Variants in PPM1L observed in about 807,000 individuals in gnomAD.
PPM1L encodes protein phosphatase, Mg2+/Mn2+ dependent 1L.
A neutral mutation model predicts 31.4 loss-of-function variants in PPM1L; 13 were observed. That is an observed-to-expected ratio of 0.41 (90% CI 0.27 to 0.66). The LOEUF is 0.66. Among genes scored for constraint, PPM1L ranks in the 30% least tolerant of loss-of-function variants. PPM1L has a pLI of 0.29. For synonymous variants in PPM1L, 184 were observed against 175.4 expected (o/e 1.05, Z -0.39); for missense variants, 326 against 453.7 (o/e 0.72, Z 2.56).
At chr3:160,994,183 C>G (rs2108046257) in intron 2 of PPM1L, among the ~76,000 whole-genome samples, 1 of 152,162 alleles carries the variant, frequency 6.6e-6, no homozygotes, top group South Asian at 2.1e-4. Context: ...TATGCTGACC[C>G]TTATCAACTC....
At chr3:160,904,420 T>C (rs1013731780) in intron 1 of PPM1L, among the ~76,000 whole-genome samples, 3 of 152,204 alleles carry the variant, frequency 2.0e-5, no homozygotes, top group African/African-American at 7.2e-5. Context: ...CCAAAAACTT[T>C]ACAGTAACTA....
intron 1 of PPM1L, among the ~76,000 whole-genome samples, chr3:160,920,977 C>T (rs1168700308): frequency 4.6e-5 from 7 of 152,146 alleles, no homozygotes; most frequent in East Asian, 1.9e-4. Context: ...TCAGTTTTCT[C>T]GGTATCAGAA....
chr3:161,066,716 T>C (rs779230555), intron 3 of PPM1L, among the ~76,000 whole-genome samples: 2 of 152,198 alleles, frequency 1.3e-5, no homozygotes, highest in Non-Finnish European at 2.9e-5. Flanking sequence ...GGGGTGCTCA[T>C]GTACCCTAGT....
chr3:160,954,028 A>G (rs1715654570), intron 1 of PPM1L, among the ~76,000 whole-genome samples: 1 of 152,150 alleles, frequency 6.6e-6, no homozygotes, highest in Non-Finnish European at 1.5e-5. Flanking sequence ...TCTTTGTAAA[A>G]AATTAATTTT....
At position 160,756,747 on chromosome 3, in the gene PPM1L, T is replaced by C. The variant is rs777388519; in HGVS notation, c.399+40T>C. ...GGGGCTTTGTATTTGTGTCCGTGTATGTCTCGTGTGTGTGTGTGTGTGTGT... is the reference window on the plus strand; with the variant it reads ...GGGGCTTTGTATTTGTGTCCGTGTACGTCTCGTGTGTGTGTGTGTGTGTGT... On this transcript the variant is annotated intron_variant, in intron 1 of 3. Coordinates refer to ENST00000498165, the MANE Select transcript of PPM1L (RefSeq NM_139245.4). The surrounding 1 kb of genome is among the most constrained non-coding windows in gnomAD (Gnocchi z 6.2). The C allele has an allele frequency of 7.9e-6, 11 of 1,392,270 alleles. No homozygotes were observed. The African/African-American group carries it at 2.1e-4, about 27-fold the overall frequency. The allele number at this position is 1,392,270 out of a possible 1,614,324, so 86.2% of individuals were successfully genotyped here.
At chr3:160,819,005 A>T (rs1426444063) in intron 1 of PPM1L, among the ~76,000 whole-genome samples, 2 of 151,948 alleles carry the variant, frequency 1.3e-5, no homozygotes, top group Non-Finnish European at 2.9e-5. Context: ...GTATTTGGTC[A>T]AAAGTGATTA....
intron 1 of PPM1L, among the ~76,000 whole-genome samples, chr3:160,921,589 AACTT>A (rs1366805781): frequency 6.6e-6 from 1 of 152,160 alleles, no homozygotes; most frequent in Non-Finnish European, 1.5e-5. Flanking sequence ...TCTTTTTAAA[AACTT>A]AAATTATCTT....
At chr3:160,814,675 A>C (rs1712933038) in intron 1 of PPM1L, among the ~76,000 whole-genome samples, 1 of 149,478 alleles carries the variant, frequency 6.7e-6, no homozygotes, top group Non-Finnish European at 1.5e-5. Flanking sequence ...TATATACCAT[A>C]TATATGGTAT....
chr3:160,920,455 T>C (rs1377198802), intron 1 of PPM1L, among the ~76,000 whole-genome samples: 1 of 152,102 alleles, frequency 6.6e-6, no homozygotes, highest in Non-Finnish European at 1.5e-5. Context: ...CACCAAAGCC[T>C]GTTTACTTTT....
chr3:160,772,403 G>A (rs1307140801), intron 1 of PPM1L, among the ~76,000 whole-genome samples: 1 of 152,168 alleles, frequency 6.6e-6, no homozygotes, highest in African/African-American at 2.4e-5. Context: ...ATGGCAACAG[G>A]AGTGCTTGGC....
intron 1 of PPM1L, among the ~76,000 whole-genome samples, chr3:160,883,262 C>T (rs1196742413): frequency 6.6e-6 from 1 of 152,026 alleles, no homozygotes; most frequent in Admixed American, 6.6e-5. Flanking sequence ...CTTTTTTTTA[C>T]CTGACAGTGC....
chr3:160,978,949 T>C (rs1229792903), intron 2 of PPM1L, among the ~76,000 whole-genome samples: 1 of 152,024 alleles, frequency 6.6e-6, no homozygotes, highest in African/African-American at 2.4e-5. Context: ...ATACTCTCTA[T>C]GTTGGACATA....
intron 2 of PPM1L, among the ~76,000 whole-genome samples, chr3:161,008,525 A>G (rs911646240): frequency 3.3e-5 from 5 of 152,112 alleles, no homozygotes; most frequent in Non-Finnish European, 5.9e-5. Context: ...TTCTCCTATT[A>G]ATCTGCCTTT....
intron 2 of PPM1L, among the ~76,000 whole-genome samples, chr3:161,064,412 A>T (rs1376551987): frequency 6.6e-6 from 1 of 152,148 alleles, no homozygotes; most frequent in Non-Finnish European, 1.5e-5. Flanking sequence ...GTTCCATGAA[A>T]ACTAAAGAGC....
In PPM1L at chr3:161,075,977, A is replaced by G. The variant is rs1720084838; in HGVS notation, c.*6820A>G. Reference sequence around the variant, plus strand: ...AAGTCAGATAAACACAGTCACAGGTACAACTGGGAGCGAGTTTTAACATAG... The same window carrying G: ...AAGTCAGATAAACACAGTCACAGGTGCAACTGGGAGCGAGTTTTAACATAG... On this transcript the variant is annotated 3_prime_UTR_variant, in exon 4 of 4. Coordinates refer to ENST00000498165, the MANE Select transcript of PPM1L (RefSeq NM_139245.4). The G allele has an allele frequency of 2.6e-5, 4 of 152,224 alleles. No individual in the cohort carries two copies. Among genetic ancestry groups the G allele is most frequent in the Admixed American group, 2.6e-4 (4 of 15,290 alleles). 9.4% of individuals were successfully genotyped at this position (152,224 alleles called of 1,614,324 possible).
At chr3:160,973,737 C>A (rs918633089) in intron 2 of PPM1L, among the ~76,000 whole-genome samples, 1 of 112,966 alleles carries the variant, frequency 8.9e-6, no homozygotes, top group African/African-American at 3.1e-5. Flanking sequence ...AAGAATTCAT[C>A]TGGTAAATTG....
At chr3:160,917,747 G>C (rs1210056320) in intron 1 of PPM1L, among the ~76,000 whole-genome samples, 1 of 152,062 alleles carries the variant, frequency 6.6e-6, no homozygotes, top group Non-Finnish European at 1.5e-5. Flanking sequence ...TTCAAAGGAA[G>C]GCCAATTTGG....
At chr3:160,964,527 CAG>C (rs1400553867) in intron 2 of PPM1L, among the ~76,000 whole-genome samples, 2 of 152,084 alleles carry the variant, frequency 1.3e-5, no homozygotes, top group Non-Finnish European at 2.9e-5. Flanking sequence ...TCAGGGGTGT[CAG>C]AGACAGAAGA....
intron 1 of PPM1L, among the ~76,000 whole-genome samples, chr3:160,877,729 T>C (rs1712566059): frequency 6.6e-6 from 1 of 152,156 alleles, no homozygotes. Context: ...ATGTCTGATG[T>C]ACGTAGGGTC....
Sources: allele counts gnomAD v4.1 joint callset (sites outside exome capture counted in the v4.1 genomes callset), GRCh38; gene constraint gnomAD v4.1.1; non-coding constraint Gnocchi (gnomAD v3.1); transcripts MANE v1.5; gene names NCBI Gene and HGNC (gene_info 2026-07-23, HGNC 2026-07-21).